The following FOCAD variants were observed in gnomAD, a reference collection of about 807,000 sequenced individuals.
FOCAD encodes focadhesin, also known as KIAA1797.
A neutral mutation model predicts 225.6 loss-of-function variants in FOCAD; 198 were observed. The observed-to-expected ratio is 0.88, with a 90% CI of 0.78 to 0.99. The LOEUF (loss-of-function observed/expected upper bound fraction) is 0.99, where lower values mean the gene tolerates loss of function less well. Ranked by LOEUF, FOCAD falls within the 50% of genes least tolerant of loss-of-function variation. The pLI, the probability that FOCAD is intolerant of heterozygous loss-of-function variation, is 0.00. For synonymous variants in FOCAD, 897 were observed against 755.0 expected (o/e 1.19, Z -3.08); for missense variants, 2,713 against 2,123.6 (o/e 1.28, Z -5.46).
chr9:20,839,259 C>CA (rs1826278059), intron 15 of FOCAD, among the ~76,000 whole-genome samples: 2 of 132,782 alleles, frequency 1.5e-5, no homozygotes, highest in South Asian at 2.4e-4. Flanking sequence ...TTCTTTCTTT[C>CA]TTTTTTTTTT....
upstream of FOCAD, among the ~76,000 whole-genome samples, chr9:20,681,895 C>G (rs1224390238): frequency 6.6e-6 from 1 of 152,156 alleles, no homozygotes; most frequent in African/African-American, 2.4e-5. Context: ...GGTCAAGTTT[C>G]TCAATCCTGC....
intron 15 of FOCAD, among the ~76,000 whole-genome samples, chr9:20,839,051 C>T (rs1826257520): frequency 6.6e-6 from 1 of 151,816 alleles, no homozygotes; most frequent in Admixed American, 6.6e-5. Context: ...GTTGTAGCAC[C>T]ATCTCTCTGT....
intron 15 of FOCAD, among the ~76,000 whole-genome samples, chr9:20,859,969 G>A (rs1828610940): frequency 6.6e-6 from 1 of 151,926 alleles, no homozygotes; most frequent in South Asian, 2.1e-4. Context: ...TGATAAAAAT[G>A]TTCCAAACTT....
intron 18 of FOCAD, among the ~76,000 whole-genome samples, chr9:20,868,266 G>GT (rs1937413149): frequency 1.3e-5 from 2 of 152,026 alleles, no homozygotes; most frequent in Non-Finnish European, 2.9e-5. Context: ...TTTTATTCTT[G>GT]TTTTTAATAG....
At chr9:20,872,792 ACTCT>A (rs1053510753) in intron 18 of FOCAD, 4 of 151,490 alleles carry the variant, frequency 2.6e-5, no homozygotes, top group African/African-American at 9.7e-5. Flanking sequence ...CCTGAAAGAA[ACTCT>A]CTCAGCAGTC....
At chr9:20,897,126 A>G (rs1832155778) in intron 21 of FOCAD, 1 of 151,738 alleles carries the variant, frequency 6.6e-6, no homozygotes. Flanking sequence ...TCGAGAATTG[A>G]CCCATTTATT....
At chr9:20,767,023 G>C (rs1235773031) in intron 7 of FOCAD, among the ~76,000 whole-genome samples, 4 of 150,708 alleles carry the variant, frequency 2.7e-5, no homozygotes, top group Non-Finnish European at 5.9e-5. Flanking sequence ...CCCTTCCTGT[G>C]TCCATGTGAT....
At chr9:20,949,097 G>A (rs1223131555) in intron 32 of FOCAD, among the ~76,000 whole-genome samples, 169 bp downstream of exon 32, 2 of 152,074 alleles carry the variant, frequency 1.3e-5, no homozygotes, top group African/African-American at 2.4e-5. Context: ...ACTTAACCAA[G>A]GATTATTTCT....
rs138041958 is a variant in FOCAD at position 20,916,660 on chromosome 9, G to A, written c.2808-233G>A. Among the ~76,000 whole-genome samples the A allele has an allele frequency of 7.1e-4, 108 of 152,280 alleles. 1 individual carries two copies. Among genetic ancestry groups the A allele is most frequent in the Non-Finnish European group, 1.4e-3 (94 of 68,008 alleles). On this transcript the variant is annotated intron_variant, in intron 23 of 43. Coordinates refer to ENST00000338382, the MANE Select transcript of FOCAD (RefSeq NM_001375567.1). ...AGTGCTATCTGTACATCCCCCCTCA[G>A]TTACATATTCACCTCCTCCTTGCCT...
chr9:20,758,083 CT>C lies in FOCAD; in HGVS notation c.393-4del. 11 of 1,591,336 alleles carry C rather than the reference CT, an allele frequency of 6.9e-6. No homozygotes were observed. Among genetic ancestry groups the C allele is most frequent in the Non-Finnish European group, 8.6e-6 (10 of 1,168,880 alleles). ...CAGGTTCCCATGTGACTTTCTGTGT[CT>C]TTCAGAAATCATCCTCATCCTTTGA... On this transcript the variant is annotated splice_region_variant and splice_polypyrimidine_tract_variant and intron_variant, in intron 5 of 43. Coordinates refer to ENST00000338382, the MANE Select transcript of FOCAD (RefSeq NM_001375567.1).
At chr9:20,773,879 G>GT (rs1818485552) in intron 8 of FOCAD, among the ~76,000 whole-genome samples, 1 of 152,012 alleles carries the variant, frequency 6.6e-6, no homozygotes, top group Non-Finnish European at 1.5e-5. Flanking sequence ...TAATACAGTG[G>GT]TCCCCAATGC....
At chr9:20,853,362 TAATA>T (rs2131633308) in intron 15 of FOCAD, among the ~76,000 whole-genome samples, 1 of 151,932 alleles carries the variant, frequency 6.6e-6, no homozygotes, top group South Asian at 2.1e-4. Flanking sequence ...TCAATCTGTT[TAATA>T]AATGTCTCTG....
chr9:20,745,130 G>A (rs990902185), intron 5 of FOCAD, among the ~76,000 whole-genome samples: 1 of 143,438 alleles, frequency 7.0e-6, no homozygotes, highest in Non-Finnish European at 1.5e-5. Context: ...TTTTTTTTGA[G>A]ACAGGGTCTC....
intron 4 of FOCAD, among the ~76,000 whole-genome samples, chr9:20,739,147 AAATGATACCT>A (rs1827391046): frequency 6.6e-6 from 1 of 152,198 alleles, no homozygotes; most frequent in Admixed American, 6.5e-5. Context: ...TAAATGCCAC[AAATGATACCT>A]AATTAAGTCC....
intron 11 of FOCAD, among the ~76,000 whole-genome samples, chr9:20,806,055 C>T (rs1257379041): frequency 1.3e-5 from 2 of 152,122 alleles, no homozygotes; most frequent in Non-Finnish European, 2.9e-5. Context: ...CCAATGAAGA[C>T]GTACCCAGAC....
chr9:20,759,589 G>C (rs1209370723), intron 6 of FOCAD, among the ~76,000 whole-genome samples: 1 of 152,098 alleles, frequency 6.6e-6, no homozygotes, highest in Non-Finnish European at 1.5e-5. Flanking sequence ...TTACATGTTA[G>C]ACCTAAAACC....
At chr9:20,656,761 C>A (rs929322954), upstream of FOCAD, among the ~76,000 whole-genome samples, 17 of 152,108 alleles carry the variant, frequency 1.1e-4, no homozygotes, top group Admixed American at 9.8e-4. Flanking sequence ...TTAATTGGAG[C>A]ATTTAGTCCA....
intron 11 of FOCAD, among the ~76,000 whole-genome samples, chr9:20,796,017 A>G (rs574358675): frequency 1.5e-3 from 194 of 130,940 alleles, no homozygotes; most frequent in African/African-American, 5.5e-3. Flanking sequence ...TCCTGTGTCC[A>G]TGTGTTCTCA....
chr9:20,826,402 C>T (rs1188183014), intron 15 of FOCAD, among the ~76,000 whole-genome samples: 1 of 152,082 alleles, frequency 6.6e-6, no homozygotes, highest in African/African-American at 2.4e-5. Flanking sequence ...AGCTCTTGGA[C>T]TTAAACCAGT....
Sources: gnomAD v4.1 joint callset for allele counts (sites outside exome capture counted in the v4.1 genomes callset) on GRCh38, gnomAD v4.1.1 for gene constraint, MANE v1.5 for transcripts, NCBI Gene and HGNC (gene_info 2026-07-23, HGNC 2026-07-21) for gene names.